Variants in MAD1L1 observed in about 807,000 individuals in gnomAD.
The protein encoded by MAD1L1 is mitotic spindle assembly checkpoint protein MAD1.
In MAD1L1, 95 loss-of-function variants were observed where a neutral mutation model predicts 96.9. The ratio of observed to expected loss-of-function variants is 0.98; its 90% confidence interval spans 0.83 to 1.16. The LOEUF (loss-of-function observed/expected upper bound fraction) is 1.16. MAD1L1 is among the 50% of genes most tolerant of loss of function. The pLI is 0.00. For missense variants in MAD1L1, 1,007 were observed against 954.4 expected (o/e 1.06, Z -0.73); for synonymous variants, 473 against 396.6 (o/e 1.19, Z -2.29).
intron 12 of MAD1L1, among the ~76,000 whole-genome samples, chr7:2,042,296 C>T (rs1423231630): frequency 6.6e-6 from 1 of 151,720 alleles, no homozygotes; most frequent in Non-Finnish European, 1.5e-5. Context: ...TGGACACAGA[C>T]ACACGCAGAT....
chr7:2,210,338 T>G (rs563392368), intron 10 of MAD1L1, among the ~76,000 whole-genome samples: 2 of 152,234 alleles, frequency 1.3e-5, no homozygotes, highest in South Asian at 2.1e-4. Context: ...CCCAAACCAC[T>G]GGGACTACAG....
intron 11 of MAD1L1, among the ~76,000 whole-genome samples, chr7:2,120,748 CAG>C (rs1279850782): frequency 1.3e-5 from 2 of 152,214 alleles, no homozygotes; most frequent in Admixed American, 1.3e-4. Flanking sequence ...CCAAGAAAGA[CAG>C]GGGGTGCGGG....
intron 15 of MAD1L1, among the ~76,000 whole-genome samples, chr7:1,966,693 T>A (rs1438764974): frequency 6.8e-6 from 1 of 147,688 alleles, no homozygotes; most frequent in Non-Finnish European, 1.5e-5. Context: ...GCAAAAAAAA[T>A]GGTGAAAACA....
intron 16 of MAD1L1, among the ~76,000 whole-genome samples, chr7:1,949,483 T>C (rs1583889314): frequency 6.6e-6 from 1 of 152,162 alleles, no homozygotes; most frequent in Non-Finnish European, 1.5e-5. Flanking sequence ...AACCAGGCCA[T>C]GGGCAGGCTC....
intron 18 of MAD1L1, among the ~76,000 whole-genome samples, chr7:1,877,459 T>A (rs183178697): frequency 2.0e-5 from 3 of 150,730 alleles, no homozygotes; most frequent in African/African-American, 7.3e-5. Flanking sequence ...AAACATGGAA[T>A]ACCAAAAAAC....
intron 18 of MAD1L1, among the ~76,000 whole-genome samples, chr7:1,869,754 C>G (rs896373164): frequency 6.6e-6 from 1 of 152,210 alleles, no homozygotes; most frequent in Non-Finnish European, 1.5e-5. Context: ...ATGGAGATCA[C>G]GTGCGTGGGC....
intron 12 of MAD1L1, among the ~76,000 whole-genome samples, chr7:2,051,145 C>T (rs549264497): frequency 2.0e-5 from 3 of 152,334 alleles, no homozygotes; most frequent in South Asian, 2.1e-4. Flanking sequence ...GACAAGGTTC[C>T]GGGCCTGGTC....
intron 12 of MAD1L1, among the ~76,000 whole-genome samples, chr7:2,067,556 C>G (rs905543379): frequency 1.3e-5 from 2 of 152,194 alleles, no homozygotes; most frequent in Non-Finnish European, 1.5e-5. Context: ...TCCTCGGCGG[C>G]AGGGTCGGGC....
At chr7:2,164,375 AAC>A (rs1017546889) in intron 10 of MAD1L1, among the ~76,000 whole-genome samples, 28 of 152,294 alleles carry the variant, frequency 1.8e-4, no homozygotes, top group African/African-American at 5.3e-4. Context: ...TGGTCTATGA[AAC>A]AGACAATTCG....
At chr7:1,928,524 G>A (rs536238235) in intron 17 of MAD1L1, among the ~76,000 whole-genome samples, 2 of 152,368 alleles carry the variant, frequency 1.3e-5, no homozygotes, top group African/African-American at 4.8e-5. Flanking sequence ...TAGATGGCAG[G>A]ACCCAGGCAG....
intron 15 of MAD1L1, among the ~76,000 whole-genome samples, chr7:1,958,744 G>T (rs927704531): frequency 6.6e-6 from 1 of 152,178 alleles, no homozygotes; most frequent in Non-Finnish European, 1.5e-5. Context: ...CTACCAAGAC[G>T]CAGCATTGCA....
At chr7:2,178,129 G>T (rs1791029792) in intron 10 of MAD1L1, among the ~76,000 whole-genome samples, 1 of 152,220 alleles carries the variant, frequency 6.6e-6, no homozygotes, top group African/African-American at 2.4e-5. Context: ...GATACAAGGG[G>T]AAGTCATTGC....
chr7:2,130,274 C>T (rs751497100), intron 11 of MAD1L1, among the ~76,000 whole-genome samples: 2 of 152,198 alleles, frequency 1.3e-5, no homozygotes, highest in African/African-American at 2.4e-5. Flanking sequence ...TCAGTCACCA[C>T]GTCCTGGGGC....
At chr7:1,956,894 C>A (rs1167039304) in intron 16 of MAD1L1, among the ~76,000 whole-genome samples, 1 of 152,226 alleles carries the variant, frequency 6.6e-6, no homozygotes. Flanking sequence ...AGCAGGGAAG[C>A]CGTAAGTGGT....
chr7:1,979,352 A>G (rs1176384255), intron 15 of MAD1L1, among the ~76,000 whole-genome samples: 1 of 152,178 alleles, frequency 6.6e-6, no homozygotes, highest in East Asian at 1.9e-4. Context: ...GGCCTGCTGC[A>G]GACACTCAGA....
Position 1,850,687 on chromosome 7 carries a change from C to A in MAD1L1, c.1999-34459G>T, listed in dbSNP as rs111293207. Among the ~76,000 whole-genome samples, 817 of 152,274 alleles carry A rather than the reference C, an allele frequency of 5.4e-3. 8 individuals carry two copies. The highest frequency in any genetic ancestry group is 0.019 in the African/African-American group (775 of 41,564). On this transcript the variant is annotated intron_variant, in intron 18 of 18. Coordinates refer to ENST00000265854, the MANE Select transcript of MAD1L1 (RefSeq NM_001013836.2). ...CAAGTTCGCAGAGGGGAACAGGCAC[C>A]CCAGGGCACAGGGCTAGCCCTGTGA...
At chr7:2,041,980 G>C (rs1414575930) in intron 12 of MAD1L1, among the ~76,000 whole-genome samples, 1 of 152,116 alleles carries the variant, frequency 6.6e-6, no homozygotes, top group Non-Finnish European at 1.5e-5. Context: ...GAGAGAACTA[G>C]CTCCCTGGGA....
chr7:1,943,470 C>A (rs1779093007), intron 16 of MAD1L1, among the ~76,000 whole-genome samples: 1 of 152,150 alleles, frequency 6.6e-6, no homozygotes, highest in African/African-American at 2.4e-5. Context: ...TCACAATGGG[C>A]AAGGCATCTG....
intron 12 of MAD1L1, among the ~76,000 whole-genome samples, chr7:2,048,903 CA>C (rs1784049804): frequency 6.6e-6 from 1 of 152,238 alleles, no homozygotes; most frequent in Non-Finnish European, 1.5e-5. Context: ...TGTGTCCAGC[CA>C]CTGACCGCGT....
Sources: gnomAD v4.1 joint callset for allele counts (sites outside exome capture counted in the v4.1 genomes callset) on GRCh38, gnomAD v4.1.1 for gene constraint, MANE v1.5 for transcripts, NCBI Gene and HGNC (gene_info 2026-07-23, HGNC 2026-07-21) for gene names.